Variants in MACO1 observed in about 807,000 individuals in gnomAD.
MACO1 encodes macoilin 1.
MACO1 carries 14 observed loss-of-function variants against 78.7 expected under a neutral mutation model. The observed-to-expected ratio is 0.18, with a 90% CI of 0.12 to 0.28. MACO1 has a LOEUF of 0.28. MACO1 is among the 10% of genes least tolerant of loss of function. MACO1 has a pLI of 1.00. For missense variants in MACO1, 501 were observed against 799.0 expected (o/e 0.63, Z 4.50); for synonymous variants, 288 against 291.6 (o/e 0.99, Z 0.12).
At chr1:25,433,585 A>G (rs979080887) in intron 1 of MACO1, among the ~76,000 whole-genome samples, 2 of 151,960 alleles carry the variant, frequency 1.3e-5, no homozygotes, top group Non-Finnish European at 2.9e-5. Context: ...TGGACTTACT[A>G]TTTTCATGTT....
chr1:25,455,703 C>CGA, intron 4 of MACO1, among the ~76,000 whole-genome samples: 1 of 152,252 alleles, frequency 6.6e-6, no homozygotes, highest in Non-Finnish European at 1.5e-5. Context: ...CAAACCAAAT[C>CGA]TTGGCACTGA....
At chr1:25,460,836 C>A (rs1303466837) in intron 6 of MACO1, among the ~76,000 whole-genome samples, 2 of 152,114 alleles carry the variant, frequency 1.3e-5, no homozygotes, top group Non-Finnish European at 2.9e-5. Flanking sequence ...TCTGCCTTGA[C>A]CTACAGTGTC....
chr1:25,460,476 T>A (rs1571967509), intron 6 of MACO1, among the ~76,000 whole-genome samples: 1 of 151,884 alleles, frequency 6.6e-6, no homozygotes, highest in East Asian at 1.9e-4. Context: ...TGATCACAGC[T>A]AACTGTAGAC....
In MACO1 at chr1:25,484,131, TA is replaced by T; in HGVS notation, c.1175del (p.Lys392SerfsTer2). The T allele has an allele frequency of 6.2e-7, 1 of 1,611,240 alleles. No individual in the cohort carries two copies. Among genetic ancestry groups the T allele is most frequent in the Non-Finnish European group, 8.5e-7 (1 of 1,179,194 alleles). Reference protein sequence around the residue: ...DALVRLEQDIKKLKADLQASR... With the variant: ...DALVRLEQDIXKLKADLQASR... ...ATTCTCCTAGGCTGGAACAAGACAT[TA>T]AAAAGTTAAAGGCTGACCTGCAAGC... On this transcript the variant is annotated frameshift_variant, in exon 7 of 11. Coordinates refer to ENST00000374343, the MANE Select transcript of MACO1 (RefSeq NM_018202.6). LOFTEE classifies it high-confidence loss of function.
intron 6 of MACO1, 100 bp from the exon 7 acceptor site, chr1:25,484,016 T>C: frequency 7.9e-7 from 1 of 1,259,544 alleles, no homozygotes; most frequent in African/African-American, 1.5e-5. Context: ...GGGGTCCTTT[T>C]TCTGCCATTC....
chr1:25,441,540 T>C (rs1557658458), intron 1 of MACO1, among the ~76,000 whole-genome samples: 1 of 152,364 alleles, frequency 6.6e-6, no homozygotes, highest in East Asian at 1.9e-4. Context: ...CAGAGTACTG[T>C]GCTGGGCACT....
At chr1:25,494,069 G>A (rs534674183) in intron 10 of MACO1, among the ~76,000 whole-genome samples, 13 of 152,278 alleles carry the variant, frequency 8.5e-5, no homozygotes, top group Admixed American at 8.5e-4. Flanking sequence ...TCATTCTGTT[G>A]TGATTTCACA....
chr1:25,486,849 T>C (rs1490198829), intron 8 of MACO1, among the ~76,000 whole-genome samples: 1 of 152,228 alleles, frequency 6.6e-6, no homozygotes, highest in Non-Finnish European at 1.5e-5. Flanking sequence ...CTAGCCTGCC[T>C]ACAATGTGGG....
intron 5 of MACO1, 113 bp downstream of exon 5, chr1:25,456,944 G>GC: frequency 1.9e-6 from 2 of 1,080,044 alleles, no homozygotes; most frequent in South Asian, 1.9e-5. Context: ...CTGTCTAATG[G>GC]TGTTCCTCCT....
intron 1 of MACO1, among the ~76,000 whole-genome samples, chr1:25,440,175 C>A (rs1404729516): frequency 6.7e-6 from 1 of 149,590 alleles, no homozygotes; most frequent in Admixed American, 6.7e-5. Context: ...ATCACTTGAG[C>A]CCAGGATCTT....
intron 6 of MACO1, among the ~76,000 whole-genome samples, chr1:25,464,072 A>T (rs1306795087): frequency 6.6e-6 from 1 of 152,156 alleles, no homozygotes; most frequent in African/African-American, 2.4e-5. Flanking sequence ...ATGGGTTTGA[A>T]TACATTTATA....
In MACO1 at chr1:25,485,483, A is replaced by G. The variant is rs2043421372; in HGVS notation, c.1314-130A>G. 3 of 877,464 alleles carry G rather than the reference A, an allele frequency of 3.4e-6. No individual in the cohort carries two copies. Among genetic ancestry groups the G allele is most frequent in the Non-Finnish European group, 5.2e-6 (3 of 581,284 alleles). 54.4% of individuals were successfully genotyped at this position (877,464 alleles called of 1,614,324 possible). On this transcript the variant is annotated intron_variant, in intron 7 of 10. Coordinates refer to ENST00000374343, the MANE Select transcript of MACO1 (RefSeq NM_018202.6). This position sits in a 1 kb window ranked among gnomAD's most constrained non-coding sequence, Gnocchi z 4.3. ...TGTGTTTTCCTCAGGCATTCTGGGC[A>G]TTGACATTTTTGATTTGCTGTTCAA...
chr1:25,436,911 A>G (rs977096932), intron 1 of MACO1, among the ~76,000 whole-genome samples: 1 of 152,124 alleles, frequency 6.6e-6, no homozygotes, highest in African/African-American at 2.4e-5. Flanking sequence ...TGTGGCACCA[A>G]AAATAATGTA....
chr1:25,471,522 A>G (rs904631688), intron 6 of MACO1, among the ~76,000 whole-genome samples: 4 of 152,218 alleles, frequency 2.6e-5, no homozygotes, highest in African/African-American at 9.6e-5. Flanking sequence ...ACCATAATAG[A>G]ATGTAAGCTC....
intron 1 of MACO1, among the ~76,000 whole-genome samples, chr1:25,437,298 CTTTTTTTTTT>C (rs1173305681): frequency 1.5e-5 from 1 of 65,882 alleles, no homozygotes; most frequent in African/African-American, 6.5e-5. Context: ...CCATGCCTGG[CTTTTTTTTTT>C]TTTTTTTTTT....
At chr1:25,433,282 C>A (rs1192064581) in intron 1 of MACO1, among the ~76,000 whole-genome samples, 2 of 150,090 alleles carry the variant, frequency 1.3e-5, no homozygotes, top group African/African-American at 2.4e-5. Flanking sequence ...TTTTTTTTGC[C>A]CAATTCTGTT....
At chr1:25,454,489 T>TATATATATA (rs371533394) in intron 4 of MACO1, 107 bp downstream of exon 4, 63 of 89,754 alleles carry the variant, frequency 7.0e-4, no homozygotes, top group South Asian at 9.7e-4. Context: ...TATATATATA[T>TATATATATA]TTTTTTTTTT....
chr1:25,493,817 C>T (rs761024128), intron 10 of MACO1, among the ~76,000 whole-genome samples: 2 of 149,502 alleles, frequency 1.3e-5, no homozygotes, highest in Non-Finnish European at 3.0e-5. Context: ...ACTGCAAGCT[C>T]CAGCTCCCGG....
chr1:25,496,236 C>CT (rs2043535794), intron 10 of MACO1, among the ~76,000 whole-genome samples: 1 of 151,862 alleles, frequency 6.6e-6, no homozygotes, highest in Non-Finnish European at 1.5e-5. Context: ...CAACCTCCGC[C>CT]TTCTGGGCTC....
Sources: allele counts gnomAD v4.1 joint callset (sites outside exome capture counted in the v4.1 genomes callset), GRCh38; gene constraint gnomAD v4.1.1; non-coding constraint Gnocchi (gnomAD v3.1); transcripts MANE v1.5; gene names NCBI Gene and HGNC (gene_info 2026-07-23, HGNC 2026-07-21).